Variants in ROPN1 observed in about 807,000 individuals in gnomAD.
ROPN1 encodes the protein ropporin-1A.
Under a neutral mutation model 20.5 loss-of-function variants are expected in ROPN1, and 14 were observed. The ratio of observed to expected loss-of-function variants is 0.68; its 90% confidence interval spans 0.45 to 1.07. The LOEUF (loss-of-function observed/expected upper bound fraction) is 1.07. Among genes scored for constraint, ROPN1 ranks in the 50% least tolerant of loss-of-function variants. The pLI, the probability that ROPN1 is intolerant of heterozygous loss-of-function variation, is 0.00. For missense variants in ROPN1, 169 were observed against 242.8 expected (o/e 0.70, Z 2.02); for synonymous variants, 76 against 95.7 (o/e 0.79, Z 1.20).
At chr3:123,990,070 C>G (rs2038368024) in intron 1 of ROPN1, among the ~76,000 whole-genome samples, 1 of 152,168 alleles carries the variant, frequency 6.6e-6, no homozygotes, top group Non-Finnish European at 1.5e-5. Context: ...TTGTTGGACT[C>G]TGAAACACGT....
At position 123,969,060 on chromosome 3, in the gene ROPN1, T is replaced by C. The variant is rs1237046441; in HGVS notation, c.*95A>G. On this transcript the variant is annotated 3_prime_UTR_variant, in exon 6 of 6. Transcript: ENST00000405845. ...ATTGTTTATTAGTGTGTACCAGTTG[T>C]ACAAGAAAATTGATTTTGGGTGGTA... The C allele has an allele frequency of 1.1e-6, 1 of 949,016 alleles. No homozygotes were observed. The highest frequency in any genetic ancestry group is 1.7e-6 in the Non-Finnish European group (1 of 578,040). The allele number at this position is 949,016 out of a possible 1,614,324, so 58.8% of individuals were successfully genotyped here.
chr3:123,974,697 T>G (rs917726125), intron 4 of ROPN1: 3 of 152,638 alleles, frequency 2.0e-5, no homozygotes, highest in Non-Finnish European at 4.4e-5. Flanking sequence ...TTTGATTCAT[T>G]TTAAGTTATT....
At position 123,980,377 on chromosome 3, in the gene ROPN1, C is replaced by A; in HGVS notation, c.105G>T (p.Gln35His). The change falls in exon 2 of 6, where the codon CAG becomes CAT. Residue 35 changes from glutamine to histidine, a missense_variant. By Grantham distance (24) the Gln-to-His change is conservative. Transcript: ENST00000405845. ...AAAGGAGCACGTACTCGGCTGCCCA[C>A]TGGATGAGGTCCTGCGGCTGCACCC... ...AIRVQPQDLI[Q>H]WAADYFEALS... 1 of 1,614,198 alleles carries A rather than the reference C, an allele frequency of 6.2e-7. No individual in the cohort carries two copies. Among genetic ancestry groups the A allele is most frequent in the African/African-American group, 1.3e-5 (1 of 75,056 alleles).
intron 1 of ROPN1, among the ~76,000 whole-genome samples, chr3:123,988,251 T>C (rs922596617): frequency 1.3e-5 from 2 of 152,130 alleles, no homozygotes; most frequent in African/African-American, 4.8e-5. Flanking sequence ...GTTCAAGCAA[T>C]TCTCCTGCCT....
rs569719772 is a variant in ROPN1, at chr3:123,980,687, T to G, written c.-12-194A>C. The G allele has an allele frequency of 5.6e-5, 28 of 504,268 alleles. No individual in the cohort carries two copies. The South Asian group carries it at 1.1e-3, about 20-fold the overall frequency. The allele number at this position is 504,268 out of a possible 1,614,324, so 31.2% of individuals were successfully genotyped here. On this transcript the variant is annotated intron_variant, in intron 1 of 5. Transcript: ENST00000405845. ...AACCCCTACTTTTTGTTGGAAATAGTTATGTCCTTTACATAAAAATTACAC... is the reference window on the plus strand; with the variant it reads ...AACCCCTACTTTTTGTTGGAAATAGGTATGTCCTTTACATAAAAATTACAC...
chr3:123,980,159 C>G (rs539070735), intron 2 of ROPN1: 17 of 608,728 alleles, frequency 2.8e-5, no homozygotes, highest in Admixed American at 1.1e-4. Context: ...AATCTGGCTC[C>G]CTTAGGGGAG....
intron 2 of ROPN1, chr3:123,979,952 C>T (rs2038102860): frequency 7.9e-6 from 3 of 380,286 alleles, no homozygotes. Flanking sequence ...CCCCCGGCTG[C>T]ACTGCTGCCA....
intron 1 of ROPN1, among the ~76,000 whole-genome samples, chr3:123,982,431 G>A (rs1271885354): frequency 1.3e-5 from 2 of 152,126 alleles, no homozygotes; most frequent in Non-Finnish European, 2.9e-5. Context: ...GGTTACCCCT[G>A]GTGGAGGAGG....
At chr3:123,987,694 C>T (rs1289958858) in intron 1 of ROPN1, among the ~76,000 whole-genome samples, 1 of 152,260 alleles carries the variant, frequency 6.6e-6, no homozygotes, top group Non-Finnish European at 1.5e-5. Flanking sequence ...GCCAAGTCAA[C>T]ACAGCATTTG....
rs1477010420 is a variant in ROPN1 at position 123,969,284 on chromosome 3, T to G, written c.573-63A>C. The G allele has an allele frequency of 2.4e-6, 3 of 1,249,556 alleles. No individual in the cohort carries two copies. The East Asian group carries it at 7.0e-5, about 29-fold the overall frequency. 77.4% of individuals were successfully genotyped at this position (1,249,556 alleles called of 1,614,324 possible). A position where few individuals can be genotyped will look rare whatever the true frequency, so the allele number is the denominator to read the frequency against. Reference sequence around the variant, plus strand: ...ACAGTTAATCTTAAGAAAGACAATATGCAAACAACTCTCATTTCACATTAA... The same window carrying G: ...ACAGTTAATCTTAAGAAAGACAATAGGCAAACAACTCTCATTTCACATTAA... On this transcript the variant is annotated intron_variant, in intron 5 of 5. Transcript: ENST00000405845.
chr3:123,980,327 C>G, intron 2 of ROPN1, 39 bp downstream of exon 2: 1 of 1,604,858 alleles, frequency 6.2e-7, no homozygotes, highest in Non-Finnish European at 8.5e-7. Context: ...CTGTCTCCGG[C>G]CGTCCTCCAA....
chr3:123,979,730 T>A (rs1198774380), intron 2 of ROPN1: 5 of 388,064 alleles, frequency 1.3e-5, no homozygotes, highest in Non-Finnish European at 2.5e-5. Flanking sequence ...CAGAATGCAG[T>A]GTGTACTGTG....
intron 1 of ROPN1, among the ~76,000 whole-genome samples, chr3:123,989,772 T>A (rs1577378937): frequency 6.6e-6 from 1 of 152,164 alleles, no homozygotes; most frequent in Non-Finnish European, 1.5e-5. Flanking sequence ...GCTTCTCTGG[T>A]GTTTCAGAGA....
At chr3:123,984,249 C>T (rs149673941) in intron 1 of ROPN1, among the ~76,000 whole-genome samples, 103 of 152,254 alleles carry the variant, frequency 6.8e-4, no homozygotes, top group African/African-American at 2.4e-3. Context: ...TCGCCTTGTG[C>T]TTCTATTTCA....
intron 4 of ROPN1, among the ~76,000 whole-genome samples, chr3:123,973,808 A>T (rs2037960869): frequency 6.6e-6 from 1 of 152,194 alleles, no homozygotes; most frequent in Non-Finnish European, 1.5e-5. Flanking sequence ...CCAGTTGGGG[A>T]GGCATCATCA....
intron 1 of ROPN1, chr3:123,980,743 G>T (rs1046111272): frequency 1.9e-5 from 7 of 370,848 alleles, no homozygotes; most frequent in Non-Finnish European, 2.9e-5. Context: ...GTGGAGGTCA[G>T]CAAAAAATTC....
intron 3 of ROPN1, among the ~76,000 whole-genome samples, chr3:123,976,382 T>C (rs16834947): frequency 0.22 from 34,144 of 152,088 alleles, 8,549 homozygotes; most frequent in East Asian, 0.78. Flanking sequence ...AAGCTGCACC[T>C]TCCTCATGCA....
intron 2 of ROPN1, chr3:123,979,911 C>T (rs2148995818): frequency 2.8e-6 from 1 of 353,222 alleles, no homozygotes; most frequent in East Asian, 6.4e-5. Context: ...GGACTGGTCC[C>T]ACCCCATCCA....
rs1354062803 is a variant in ROPN1, at chr3:123,969,077, T to C, written c.*78A>G. 1.8e-6 allele frequency: 2 copies of C among 1,134,462 alleles called. No homozygotes were observed. Among genetic ancestry groups the C allele is most frequent in the East Asian group, 4.7e-5 (2 of 42,622 alleles). 70.3% of individuals were successfully genotyped at this position (1,134,462 alleles called of 1,614,324 possible). ...ACCAGTTGTACAAGAAAATTGATTT[T>C]GGGTGGTATATGGGTTTCAGTCATT... On this transcript the variant is annotated 3_prime_UTR_variant, in exon 6 of 6. Coordinates refer to ENST00000405845, the MANE Select transcript of ROPN1 (RefSeq NM_001317774.2).
Sources: allele counts gnomAD v4.1 joint callset (sites outside exome capture counted in the v4.1 genomes callset), GRCh38; gene constraint gnomAD v4.1.1; transcripts MANE v1.5; gene names NCBI Gene and HGNC (gene_info 2026-07-23, HGNC 2026-07-21).